Variants in RASAL2 observed in about 807,000 individuals in gnomAD.
RASAL2 encodes the protein RAS protein activator like 2.
In RASAL2, 58 loss-of-function variants were observed where a neutral mutation model predicts 128.9. The ratio of observed to expected loss-of-function variants is 0.45; its 90% confidence interval spans 0.36 to 0.56. The LOEUF (loss-of-function observed/expected upper bound fraction) is 0.56. Among genes scored for constraint, RASAL2 ranks in the 20% least tolerant of loss-of-function variants. The probability of loss-of-function intolerance (pLI) is 0.00; values close to 1 mark genes in which losing one functional copy is unlikely to be tolerated. For missense variants in RASAL2, 1,360 were observed against 1,601.6 expected (o/e 0.85, Z 2.57); for synonymous variants, 561 against 580.8 (o/e 0.97, Z 0.49).
At chr1:178,214,647 C>G (rs1663366422) in intron 1 of RASAL2, among the ~76,000 whole-genome samples, 1 of 151,822 alleles carries the variant, frequency 6.6e-6, no homozygotes, top group Non-Finnish European at 1.5e-5. Context: ...CAAGCTCTGC[C>G]TCCTGGGTTC....
intron 1 of RASAL2, among the ~76,000 whole-genome samples, chr1:178,237,561 A>G (rs550416138): frequency 6.6e-6 from 1 of 152,324 alleles, no homozygotes; most frequent in South Asian, 2.1e-4. Flanking sequence ...ATAGACTTGG[A>G]GTTTACCAAT....
At chr1:178,352,711 G>A (rs1446386918) in intron 3 of RASAL2, among the ~76,000 whole-genome samples, 2 of 152,196 alleles carry the variant, frequency 1.3e-5, no homozygotes, top group Non-Finnish European at 2.9e-5. Context: ...GAGGGCTCTG[G>A]CCCTGCATTA....
At chr1:178,436,600 CAG>C (rs548562214) in intron 5 of RASAL2, among the ~76,000 whole-genome samples, 16 of 152,048 alleles carry the variant, frequency 1.1e-4, no homozygotes, top group African/African-American at 3.4e-4. Context: ...GTAAAGGAAA[CAG>C]AATACATGTG....
chr1:178,469,609 T>C (rs1648073658), intron 17 of RASAL2, among the ~76,000 whole-genome samples: 1 of 152,230 alleles, frequency 6.6e-6, no homozygotes, highest in African/African-American at 2.4e-5. Context: ...TAAGTCACTG[T>C]CAGACTGGTG....
chr1:178,386,885 C>T (rs1672603309), intron 3 of RASAL2, among the ~76,000 whole-genome samples: 1 of 152,074 alleles, frequency 6.6e-6, no homozygotes, highest in Non-Finnish European at 1.5e-5. Flanking sequence ...TTCCTTCAAA[C>T]TGAGCAGAAA....
chr1:178,476,533 T>G lies in RASAL2; in HGVS notation c.*3294T>G, dbSNP rs1031761190. ...GTAAGAAAAATGTGGTAAAATGAGG[T>G]AATCATGCTGCTATAGCTTTTTGCT... is the stretch of plus-strand genomic sequence containing the variant. On this transcript the variant is annotated 3_prime_UTR_variant, in exon 18 of 18. Coordinates refer to ENST00000367649, the MANE Select transcript of RASAL2 (RefSeq NM_170692.4). The G allele has an allele frequency of 4.6e-5, 7 of 152,180 alleles. No individual in the cohort carries two copies. The highest frequency in any genetic ancestry group is 8.8e-5 in the Non-Finnish European group (6 of 68,032). 9.4% of individuals were successfully genotyped at this position (152,180 alleles called of 1,614,324 possible).
chr1:178,180,914 C>G (rs1445704797), intron 1 of RASAL2, among the ~76,000 whole-genome samples: 2 of 151,950 alleles, frequency 1.3e-5, no homozygotes, highest in African/African-American at 4.8e-5. Flanking sequence ...TTCTGCTTCT[C>G]AGGTTTCATA....
intron 14 of RASAL2, among the ~76,000 whole-genome samples, chr1:178,459,995 C>T (rs1269222547): frequency 6.6e-6 from 1 of 152,034 alleles, no homozygotes. Flanking sequence ...TCATTCCTAC[C>T]TTATTGTGAA....
intron 3 of RASAL2, among the ~76,000 whole-genome samples, chr1:178,339,612 C>G (rs751034544): frequency 1.7e-4 from 26 of 152,294 alleles, no homozygotes; most frequent in Non-Finnish European, 3.5e-4. Context: ...GACCACTCAA[C>G]TCAGCACCAA....
chr1:178,347,550 A>T (rs1005151961), intron 3 of RASAL2, among the ~76,000 whole-genome samples: 3 of 152,216 alleles, frequency 2.0e-5, no homozygotes, highest in African/African-American at 7.2e-5. Flanking sequence ...ACCATTTAGT[A>T]TATAACAAGG....
intron 4 of RASAL2, among the ~76,000 whole-genome samples, chr1:178,394,904 C>T (rs1453395914): frequency 3.3e-5 from 5 of 151,962 alleles, no homozygotes; most frequent in African/African-American, 1.2e-4. Context: ...AATCTAAAGC[C>T]CTGGGAAATA....
intron 4 of RASAL2, among the ~76,000 whole-genome samples, chr1:178,405,534 C>T (rs1039408333): frequency 1.3e-5 from 2 of 152,170 alleles, no homozygotes; most frequent in African/African-American, 2.4e-5. Context: ...GAAAAGCTTT[C>T]ATAGAGATGC....
At chr1:178,356,260 G>C (rs1670805891) in intron 3 of RASAL2, among the ~76,000 whole-genome samples, 1 of 151,352 alleles carries the variant, frequency 6.6e-6, no homozygotes, top group Non-Finnish European at 1.5e-5. Context: ...AAGTTGTCAA[G>C]CATATAGAGC....
intron 3 of RASAL2, among the ~76,000 whole-genome samples, chr1:178,319,631 G>T (rs1668654501): frequency 6.7e-6 from 1 of 148,722 alleles, no homozygotes; most frequent in Non-Finnish European, 1.5e-5. Flanking sequence ...TCGAGCCTTG[G>T]TTTTCAGCTC....
chr1:178,240,774 G>A (rs1664463955), intron 1 of RASAL2, among the ~76,000 whole-genome samples: 1 of 151,506 alleles, frequency 6.6e-6, no homozygotes, highest in African/African-American at 2.4e-5. Context: ...ATTTTTCCCT[G>A]AACAAAATTG....
chr1:178,302,206 G>A (rs1348886996), intron 3 of RASAL2, among the ~76,000 whole-genome samples: 2 of 152,124 alleles, frequency 1.3e-5, no homozygotes, highest in South Asian at 4.1e-4. Context: ...AATAATTGCT[G>A]TATATGTAAC....
chr1:178,250,342 C>T (rs1558141792), intron 1 of RASAL2, among the ~76,000 whole-genome samples: 1 of 152,170 alleles, frequency 6.6e-6, no homozygotes, highest in African/African-American at 2.4e-5. Flanking sequence ...TGAGTTCTGC[C>T]CAGTCCAAAC....
At chr1:178,245,591 G>C (rs1489595486) in intron 1 of RASAL2, among the ~76,000 whole-genome samples, 2 of 152,098 alleles carry the variant, frequency 1.3e-5, no homozygotes, top group Non-Finnish European at 2.9e-5. Flanking sequence ...GATCCCATTT[G>C]TCAGTTTTGG....
chr1:178,218,061 A>G (rs1402460447), intron 1 of RASAL2, among the ~76,000 whole-genome samples: 2 of 151,996 alleles, frequency 1.3e-5, no homozygotes, highest in African/African-American at 2.4e-5. Context: ...CTCCTCACCC[A>G]TTCAAGTTTT....
Sources: allele counts gnomAD v4.1 joint callset (sites outside exome capture counted in the v4.1 genomes callset), GRCh38; gene constraint gnomAD v4.1.1; transcripts MANE v1.5; gene names NCBI Gene and HGNC (gene_info 2026-07-23, HGNC 2026-07-21).